The following HECW1 variants were observed in gnomAD, a reference collection of about 807,000 sequenced individuals.
HECW1 encodes the protein HECT, C2 and WW domain containing E3 ubiquitin protein ligase 1.
Under a neutral mutation model 182.3 loss-of-function variants are expected in HECW1, and 61 were observed. That is an observed-to-expected ratio of 0.33 (90% CI 0.27 to 0.41). The LOEUF (loss-of-function observed/expected upper bound fraction) is 0.41, where lower values mean the gene tolerates loss of function less well. Ranked by LOEUF, HECW1 falls within the 10% of genes least tolerant of loss-of-function variation. The pLI is 1.00. For synonymous variants in HECW1, 859 were observed against 832.6 expected, an observed-to-expected ratio of 1.03 and a Z score of -0.55; for missense variants, 1,739 against 2,108.9, an observed-to-expected ratio of 0.82 and a Z score of 3.44.
chr7:43,541,037 A>G (rs1257095083), intron 24 of HECW1, 126 bp from the exon 25 acceptor site: 1 of 738,472 alleles, frequency 1.4e-6, no homozygotes, highest in Non-Finnish European at 2.4e-6. Flanking sequence ...CCCTTGTGTC[A>G]TCAATGAGAA....
chr7:43,275,882 A>G (rs1399867795), intron 3 of HECW1, among the ~76,000 whole-genome samples: 1 of 152,092 alleles, frequency 6.6e-6, no homozygotes, highest in Non-Finnish European at 1.5e-5. Context: ...CTGGTGATTT[A>G]TGGTGTTTTA....
chr7:43,382,700 G>T (rs1188456347), intron 6 of HECW1, among the ~76,000 whole-genome samples: 1 of 152,196 alleles, frequency 6.6e-6, no homozygotes, highest in Non-Finnish European at 1.5e-5. Context: ...GATGTGGGGG[G>T]AGGGGTTGGA....
chr7:43,281,674 G>A (rs374909037), intron 3 of HECW1, among the ~76,000 whole-genome samples: 1 of 144,456 alleles, frequency 6.9e-6, no homozygotes, highest in African/African-American at 2.6e-5. Flanking sequence ...TTCAGAATTA[G>A]ATCCTCCTCT....
chr7:43,438,186 C>T, intron 9 of HECW1, 41 bp downstream of exon 9: 6 of 1,591,472 alleles, frequency 3.8e-6, no homozygotes, highest in Non-Finnish European at 5.2e-6. Context: ...TAGGTTCCCA[C>T]CAACAGGTCG....
At chr7:43,465,234 GA>G (rs888027142) in intron 14 of HECW1, among the ~76,000 whole-genome samples, 5 of 152,176 alleles carry the variant, frequency 3.3e-5, no homozygotes, top group African/African-American at 1.2e-4. Context: ...TTACTGTATA[GA>G]AAAAAATCCC....
intron 5 of HECW1, among the ~76,000 whole-genome samples, chr7:43,357,442 T>A (rs946095340): frequency 7.2e-5 from 11 of 152,184 alleles, no homozygotes; most frequent in African/African-American, 2.4e-4. Context: ...GGTCATTATG[T>A]TAAGTGAAAT....
At chr7:43,142,346 C>T (rs953022529) in intron 2 of HECW1, among the ~76,000 whole-genome samples, 7 of 152,130 alleles carry the variant, frequency 4.6e-5, no homozygotes, top group African/African-American at 1.7e-4. Flanking sequence ...CTCCAGTGTT[C>T]CCCTAGGGCA....
At chr7:43,305,011 C>A (rs1189060709) in intron 3 of HECW1, among the ~76,000 whole-genome samples, 1 of 152,138 alleles carries the variant, frequency 6.6e-6, no homozygotes, top group Non-Finnish European at 1.5e-5. Context: ...GAGGAAGCTG[C>A]GGGACTGAGA....
chr7:43,249,869 A>G (rs1799840054), intron 3 of HECW1, among the ~76,000 whole-genome samples: 1 of 152,036 alleles, frequency 6.6e-6, no homozygotes, highest in South Asian at 2.1e-4. Context: ...TTTTCCCCTC[A>G]TGCCTGTTTG....
chr7:43,368,815 T>G (rs373185388), intron 6 of HECW1, among the ~76,000 whole-genome samples: 2 of 152,222 alleles, frequency 1.3e-5, no homozygotes, highest in East Asian at 1.9e-4. Context: ...ACATCCTTCC[T>G]GTCTGGACTC....
intron 2 of HECW1, among the ~76,000 whole-genome samples, chr7:43,162,445 C>A (rs566606144): frequency 6.6e-6 from 1 of 152,356 alleles, no homozygotes; most frequent in Admixed American, 6.5e-5. Context: ...CCATGGTCTG[C>A]CTCCTCTTCT....
chr7:43,176,578 G>C (rs1043763767), intron 2 of HECW1, among the ~76,000 whole-genome samples: 8 of 152,186 alleles, frequency 5.3e-5, no homozygotes, highest in African/African-American at 1.9e-4. Context: ...GCTCACAATA[G>C]ATGGTCAAAC....
intron 3 of HECW1, among the ~76,000 whole-genome samples, chr7:43,263,701 A>G (rs1007475963): frequency 1.3e-4 from 20 of 152,156 alleles, no homozygotes; most frequent in African/African-American, 4.8e-4. Flanking sequence ...GAGAAATACT[A>G]GGAAACAGAG....
intron 3 of HECW1, among the ~76,000 whole-genome samples, chr7:43,269,204 A>C (rs7808981): frequency 0.15 from 23,491 of 152,132 alleles, 2,461 homozygotes; most frequent in South Asian, 0.26. Flanking sequence ...CCATTCATAC[A>C]CCTTGCCATC....
At chr7:43,429,697 T>A (rs144088486) in intron 8 of HECW1, among the ~76,000 whole-genome samples, 1 of 152,310 alleles carries the variant, frequency 6.6e-6, no homozygotes, top group Non-Finnish European at 1.5e-5. Flanking sequence ...CATGCTCCAT[T>A]TGCTTCTTGC....
At chr7:43,401,435 A>G (rs767690683) in intron 7 of HECW1, among the ~76,000 whole-genome samples, 15 of 152,192 alleles carry the variant, frequency 9.9e-5, no homozygotes, top group Non-Finnish European at 1.9e-4. Flanking sequence ...AACTGAACAG[A>G]AACAGTAATA....
At chr7:43,471,122 T>G (rs971953777) in intron 16 of HECW1, among the ~76,000 whole-genome samples, 2 of 152,246 alleles carry the variant, frequency 1.3e-5, no homozygotes, top group African/African-American at 4.8e-5. Flanking sequence ...TCTACCACTT[T>G]CTCTTAATGT....
intron 5 of HECW1, among the ~76,000 whole-genome samples, chr7:43,342,901 CTG>C (rs1373391841): frequency 2.6e-5 from 4 of 151,688 alleles, no homozygotes; most frequent in African/African-American, 9.7e-5. Flanking sequence ...TGGCAGGCAT[CTG>C]TAGTCCCAGC....
At position 43,465,737 on chromosome 7, in the gene HECW1, A is replaced by G. The variant is rs187175317; in HGVS notation, c.2792-710A>G. Among the ~76,000 whole-genome samples the G allele has an allele frequency of 2.4e-4, 36 of 152,130 alleles. No homozygotes were observed. In the East Asian group the frequency reaches 6.4e-3, roughly 27 times the overall value. On this transcript the variant is annotated intron_variant, in intron 14 of 29. Transcript: ENST00000395891. ...TTAGCAACTTGTGAAGGAAATAAGA[A>G]AAAAATAGCCAGGCATGGTGCTGCA...
Sources: gnomAD v4.1 joint callset for allele counts (sites outside exome capture counted in the v4.1 genomes callset) on GRCh38, gnomAD v4.1.1 for gene constraint, MANE v1.5 for transcripts, NCBI Gene and HGNC (gene_info 2026-07-23, HGNC 2026-07-21) for gene names.